Variants in CCDC61 observed in about 807,000 individuals in gnomAD.
The protein encoded by CCDC61 is centrosomal protein CCDC61.
A neutral mutation model predicts 63.0 loss-of-function variants in CCDC61; 55 were observed. The ratio of observed to expected loss-of-function variants is 0.87; its 90% CI spans 0.70 to 1.09. CCDC61 has a LOEUF of 1.09. Ranked by LOEUF, CCDC61 falls within the 50% of genes least tolerant of loss-of-function variation. The pLI, the probability that CCDC61 is intolerant of heterozygous loss-of-function variation, is 0.00. For synonymous variants in CCDC61, 270 were observed against 317.0 expected (o/e 0.85, Z 1.58); for missense variants, 651 against 731.4 (o/e 0.89, Z 1.27).
chr19:46,004,267 A>G, intron 3 of CCDC61, among the ~76,000 whole-genome samples: 1 of 152,160 alleles, frequency 6.6e-6, no homozygotes, highest in East Asian at 1.9e-4. Flanking sequence ...GGATTCAGCA[A>G]TATCTCATAA....
intron 3 of CCDC61, among the ~76,000 whole-genome samples, chr19:46,004,667 A>G (rs1273283719): frequency 6.6e-6 from 1 of 151,330 alleles, no homozygotes; most frequent in Non-Finnish European, 1.5e-5. Flanking sequence ...GTTTCACTGT[A>G]TTGGCCAGGC....
Position 46,018,029 on chromosome 19 carries a change from A to C in CCDC61, c.1369-49A>C. ...TTTCCAGTGGGATTTAGGGGGACAG[A>C]AATAGAGGGACGGTGGGTGACCCCC... On this transcript the variant is annotated intron_variant, in intron 12 of 13. Transcript: ENST00000595358. This position sits in a 1 kb window ranked among gnomAD's most constrained non-coding sequence, Gnocchi z 4.2. The C allele has an allele frequency of 6.6e-7, 1 of 1,513,304 alleles. No homozygotes were observed. The highest frequency in any genetic ancestry group is 9.0e-7 in the Non-Finnish European group (1 of 1,113,616). 93.7% of individuals were successfully genotyped at this position (1,513,304 alleles called of 1,614,324 possible).
intron 5 of CCDC61, among the ~76,000 whole-genome samples, chr19:46,014,531 T>A (rs762054752): frequency 1.3e-5 from 2 of 152,180 alleles, no homozygotes; most frequent in Non-Finnish European, 2.9e-5. Flanking sequence ...TACATTTTGG[T>A]TATTTCCACT....
rs1207625067 is a variant in CCDC61 at position 46,015,452 on chromosome 19, C to CTGGGCGGA, written c.845+33_845+40dup. ...GGTGAGAGCGAGGCCTGCCAGGCGC[C>CTGGGCGGA]TGGGCGGATGGGCGGGCCCTGAGGG... On this transcript the variant is annotated intron_variant, in intron 7 of 13. Transcript: ENST00000595358. This position sits in a 1 kb window ranked among gnomAD's most constrained non-coding sequence, Gnocchi z 5.3. 2.9e-6 allele frequency: 4 copies of CTGGGCGGA among 1,358,542 alleles called. No individual in the cohort carries two copies. In the Admixed American group the frequency reaches 5.9e-5, roughly 20 times the overall value. The allele number at this position is 1,358,542 out of a possible 1,614,324, so 84.2% of individuals were successfully genotyped here. A position where few individuals can be genotyped will look rare whatever the true frequency, so the allele number is the denominator to read the frequency against.
At chr19:46,002,885 G>C in intron 1 of CCDC61, 123 bp from the exon 2 acceptor site, 1 of 907,312 alleles carries the variant, frequency 1.1e-6, no homozygotes, top group East Asian at 2.6e-5. Flanking sequence ...ACAGAGAGGT[G>C]AATTCGCTTT....
At chr19:46,008,082 T>G in intron 4 of CCDC61, 58 bp from the exon 5 acceptor site, 2 of 1,507,970 alleles carry the variant, frequency 1.3e-6, no homozygotes, top group Middle Eastern at 1.7e-4. Flanking sequence ...GGCTGCTGTT[T>G]ACCCTCAGGT....
chr19:46,006,656 G>T lies in CCDC61; in HGVS notation c.329G>T (p.Arg110Met). 1 of 1,613,798 alleles carries T rather than the reference G, an allele frequency of 6.2e-7. No homozygotes were observed. The highest frequency in any genetic ancestry group is 1.7e-5 in the Admixed American group (1 of 59,996). Residue 110 changes from arginine (R) to methionine (M), a missense_variant, in exon 4 of 14, where the codon AGG becomes ATG. By Grantham distance (91) the Arg-to-Met change is moderately conservative. Transcript: ENST00000595358. ...GGCCGCCCAGGCTCCTTGGCCCCCA[G>T]GTCGGCCCAGCTCAACTCCAAGCGC... The part of the protein sequence containing the change: ...MGGRPGSLAP[R>M]SAQLNSKRYL...
At chr19:46,017,162 G>A (rs750017734) in intron 11 of CCDC61, 85 bp from the exon 12 acceptor site, 4 of 1,531,544 alleles carry the variant, frequency 2.6e-6, no homozygotes, top group Non-Finnish European at 3.6e-6. Context: ...GATGGAGCCT[G>A]GGGGCCTTGA....
At chr19:46,002,848 C>G (rs1473233962) in intron 1 of CCDC61, among the ~76,000 whole-genome samples, 160 bp from the exon 2 acceptor site, 1 of 152,144 alleles carries the variant, frequency 6.6e-6, no homozygotes, top group Non-Finnish European at 1.5e-5. Context: ...ATTATTATAC[C>G]CATTTTCCAG....
chr19:46,003,515 T>TG lies in CCDC61; in HGVS notation c.231+16dup. ...GCCCTCACTCAGGTAGGGCCCGGGT[T>TG]GGCGGGTTGGGGTGGGAGGGGGGTT... On this transcript the variant is annotated intron_variant, in intron 3 of 13. Transcript: ENST00000595358. The TG allele has an allele frequency of 9.0e-6, 8 of 889,574 alleles. No individual in the cohort carries two copies. Among genetic ancestry groups the TG allele is most frequent in the South Asian group, 1.3e-5 (1 of 74,286 alleles). The allele number at this position is 889,574 out of a possible 1,614,324, so 55.1% of individuals were successfully genotyped here.
chr19:46,017,536 A>C (rs1304197053), intron 12 of CCDC61, among the ~76,000 whole-genome samples: 2 of 149,162 alleles, frequency 1.3e-5, no homozygotes, highest in East Asian at 4.0e-4. Context: ...AGTAGCTGGG[A>C]CTAGGCTTTT....
chr19:46,004,095 T>G, intron 3 of CCDC61, among the ~76,000 whole-genome samples: 1 of 151,638 alleles, frequency 6.6e-6, no homozygotes, highest in African/African-American at 2.4e-5. Context: ...CACGCCACCA[T>G]GCCCGGCTAA....
intron 1 of CCDC61, among the ~76,000 whole-genome samples, chr19:45,995,709 C>G (rs1336857681): frequency 2.0e-5 from 3 of 151,988 alleles, no homozygotes; most frequent in African/African-American, 4.8e-5. Flanking sequence ...TGGGGGTGAT[C>G]TGTATATCGC....
chr19:46,005,896 G>A (rs903800351), intron 3 of CCDC61, among the ~76,000 whole-genome samples: 14 of 151,840 alleles, frequency 9.2e-5, no homozygotes, highest in African/African-American at 2.7e-4. Flanking sequence ...ATACTTTGGC[G>A]TGCACAGAAG....
In CCDC61 at chr19:46,018,367, C is replaced by G. The variant is rs200262706; in HGVS notation, c.1519C>G (p.Arg507Gly). ...RLKALQEYMN[R>G]LDMRS ...GAAGGCCTTGCAGGAGTACATGAAC[C>G]GACTGGACATGCGGTCATAACGTGG... Residue 507 changes from arginine (R) to glycine (G), a missense_variant, in exon 14 of 14, where the codon CGA becomes GGA. Coordinates refer to ENST00000595358, the MANE Select transcript of CCDC61 (RefSeq NM_001267723.2). This position sits in a 1 kb window ranked among gnomAD's most constrained non-coding sequence, Gnocchi z 4.2. 20 of 1,572,038 alleles carry G rather than the reference C, an allele frequency of 1.3e-5. No homozygotes were observed. Among genetic ancestry groups the G allele is most frequent in the Non-Finnish European group, 1.6e-5 (19 of 1,159,172 alleles).
chr19:46,015,355 C>T lies in CCDC61; in HGVS notation c.773C>T (p.Ala258Val). 6.3e-7 allele frequency: 1 copy of T among 1,597,726 alleles called. No homozygotes were observed. Among genetic ancestry groups the T allele is most frequent in the East Asian group, 2.2e-5 (1 of 44,568 alleles). The part of the protein sequence containing the change: ...CRRLAKELEE[A>V]KASERSLRAR... The stretch of plus-strand genomic sequence containing the variant: ...CTCCCCTCCCGGCAGCTCGAGGAGG[C>T]GAAGGCATCGGAGCGGAGCCTGCGC... The change falls in exon 7 of 14, where the codon GCG becomes GTG. Residue 258 changes from alanine (A) to valine (V), a missense_variant. Physicochemically the swap from Ala to Val is moderately conservative, Grantham distance 64. Transcript: ENST00000595358. This position sits in a 1 kb window ranked among gnomAD's most constrained non-coding sequence, Gnocchi z 5.3.
At chr19:46,014,002 T>C (rs1180475299) in intron 5 of CCDC61, among the ~76,000 whole-genome samples, 1 of 152,192 alleles carries the variant, frequency 6.6e-6, no homozygotes, top group Non-Finnish European at 1.5e-5. Context: ...TAGGTCTGTT[T>C]GGGCCAGTTT....
At chr19:46,001,628 C>G (rs1968593568) in intron 1 of CCDC61, among the ~76,000 whole-genome samples, 1 of 152,250 alleles carries the variant, frequency 6.6e-6, no homozygotes, top group Non-Finnish European at 1.5e-5. Context: ...TTCATCAGCC[C>G]TTCCAAAGCA....
rs1424426680 is a variant in CCDC61 at position 46,017,254 on chromosome 19, C to T, written c.1318C>T (p.Arg440Cys). 3 of 1,563,510 alleles carry T rather than the reference C, an allele frequency of 1.9e-6. No individual in the cohort carries two copies. Among genetic ancestry groups the T allele is most frequent in the Admixed American group, 1.9e-5 (1 of 52,650 alleles). The change falls in exon 12 of 14, where the codon CGC (arginine) becomes TGC (cysteine). Residue 440 changes from arginine to cysteine, a missense_variant. Transcript: ENST00000595358. ...GTTACTCCTTTTTCTCAGGGGTCAC[C>T]GCCGCCGTGGGAAGCCTCCCAGCCC... is the stretch of plus-strand genomic sequence containing the variant. ...FSESLSRGGH[R>C]RRGKPPSPTP...
Sources: gnomAD v4.1 joint callset for allele counts (sites outside exome capture counted in the v4.1 genomes callset) on GRCh38, gnomAD v4.1.1 for gene constraint, Gnocchi (gnomAD v3.1) non-coding constraint, MANE v1.5 for transcripts, NCBI Gene and HGNC (gene_info 2026-07-23, HGNC 2026-07-21) for gene names.